PROCR: variants seen among roughly 807,000 people sequenced by gnomAD.
PROCR encodes the protein endothelial protein C receptor.
In PROCR, 22 loss-of-function variants were observed where a neutral mutation model predicts 24.2. That is an observed-to-expected ratio of 0.91 (90% confidence interval 0.65 to 1.30). The LOEUF (loss-of-function observed/expected upper bound fraction) is 1.30. Among genes scored for constraint, PROCR ranks in the 50% most tolerant of loss-of-function variants. The pLI, the probability that PROCR is intolerant of heterozygous loss-of-function variation, is 0.00. For synonymous variants in PROCR, 137 were observed against 139.2 expected (o/e 0.98, Z 0.11); for missense variants, 288 against 307.7 (o/e 0.94, Z 0.48).
upstream of PROCR, among the ~76,000 whole-genome samples, chr20:35,171,805 C>T (rs1037260954): frequency 3.2e-4 from 48 of 152,200 alleles, no homozygotes; most frequent in Admixed American, 2.9e-3. Context: ...GAGTCAGCGC[C>T]GGCAGGACTT....
chr20:35,174,638 T>A (rs2085987472), intron 1 of PROCR, 64 bp from the exon 2 acceptor site: 1 of 1,606,020 alleles, frequency 6.2e-7, no homozygotes. Context: ...TAGGGGGTTA[T>A]TATCTTCCGC....
chr20:35,172,358 A>C, intron 1 of PROCR, 134 bp downstream of exon 1: 4 of 1,150,086 alleles, frequency 3.5e-6, no homozygotes, highest in Admixed American at 1.9e-5. Flanking sequence ...TCTACAGGGC[A>C]GGCAGAGTCT....
chr20:35,193,365 G>A (rs1486233296), intron 1 of PROCR, among the ~76,000 whole-genome samples: 2 of 152,050 alleles, frequency 1.3e-5, no homozygotes, highest in Non-Finnish European at 2.9e-5. Context: ...TAGTAGAGAC[G>A]GGGTTTCACT....
chr20:35,201,442 C>A (rs1282608975), intron 1 of PROCR, among the ~76,000 whole-genome samples: 1 of 152,188 alleles, frequency 6.6e-6, no homozygotes, highest in African/African-American at 2.4e-5. Context: ...AATCCCAGCA[C>A]TTTGGGAGGC....
At chr20:35,190,722 A>G (rs900284318) in intron 1 of PROCR, among the ~76,000 whole-genome samples, 2 of 152,188 alleles carry the variant, frequency 1.3e-5, no homozygotes, top group Admixed American at 6.6e-5. Flanking sequence ...CAGCAATTCA[A>G]TAATGGAACT....
At chr20:35,188,541 G>A (rs1209816406) in intron 1 of PROCR, among the ~76,000 whole-genome samples, 2 of 152,152 alleles carry the variant, frequency 1.3e-5, no homozygotes, top group Admixed American at 1.3e-4. Flanking sequence ...CTGGCACAAG[G>A]AAAGAGTCCA....
intron 1 of PROCR, among the ~76,000 whole-genome samples, chr20:35,196,653 TA>T (rs1417989762): frequency 1.3e-5 from 2 of 152,018 alleles, no homozygotes; most frequent in Non-Finnish European, 2.9e-5. Flanking sequence ...AAAAGTGAAA[TA>T]AAAACATTCT....
chr20:35,209,871 C>G (rs140466168), intron 1 of PROCR, among the ~76,000 whole-genome samples: 1 of 152,296 alleles, frequency 6.6e-6, no homozygotes, highest in Non-Finnish European at 1.5e-5. Flanking sequence ...CCACCATAGC[C>G]TATGGTCTTG....
chr20:35,177,465 T>C (rs2086032544), downstream of PROCR: 1 of 835,136 alleles, frequency 1.2e-6, no homozygotes, highest in Middle Eastern at 6.2e-4. Flanking sequence ...TTTTTTTTTT[T>C]TGAGACAGAG....
At chr20:35,206,731 T>G (rs2060344478) in intron 1 of PROCR, among the ~76,000 whole-genome samples, 1 of 152,076 alleles carries the variant, frequency 6.6e-6, no homozygotes, top group Non-Finnish European at 1.5e-5. Flanking sequence ...GCGGAACAAC[T>G]GCCACTCTCA....
At chr20:35,193,208 G>A (rs575422893) in intron 1 of PROCR, among the ~76,000 whole-genome samples, 4 of 148,824 alleles carry the variant, frequency 2.7e-5, no homozygotes, top group East Asian at 2.0e-4. Flanking sequence ...ATGGAGTCTC[G>A]CTCTGTCACC....
chr20:35,210,614 A>G (rs1353988295), intron 1 of PROCR, among the ~76,000 whole-genome samples: 1 of 152,128 alleles, frequency 6.6e-6, no homozygotes, highest in Non-Finnish European at 1.5e-5. Context: ...TGAATCTTGT[A>G]TTTTTAACTG....
In PROCR at chr20:35,205,752, A is replaced by AATATATAT. The variant is rs200029202; in HGVS notation, c.95-10112_95-10105dup. On this transcript the variant is annotated intron_variant, in intron 1 of 1. Coordinates refer to the PROCR transcript ENST00000634509. ...GGCAACAAGGACAAAACTCTGTCTA[A>AATATATAT]ATATATATATATATATATATATATA... Among the ~76,000 whole-genome samples the AATATATAT allele has an allele frequency of 8.6e-3, 878 of 102,422 alleles. 19 individuals carry two copies. The highest frequency in any genetic ancestry group is 0.022 in the African/African-American group (451 of 20,372). The allele number at this position is 102,422 out of a possible 152,430, so 67.2% of individuals were successfully genotyped here. A position where few individuals can be genotyped will look rare whatever the true frequency, so the allele number is the denominator to read the frequency against.
chr20:35,176,388 C>T lies in PROCR; in HGVS notation c.543C>T (p.Phe181=), dbSNP rs150955196. The change falls in exon 3 of 4, where the codon TTC becomes TTT. Residue 181 remains phenylalanine (F), a synonymous_variant. Transcript: ENST00000216968. ...YNRTRYELRE[F]LEDTCVQYVQ... The stretch of plus-strand genomic sequence containing the variant: ...GCACTCGGTATGAACTGCGGGAATT[C>T]CTGGAGGACACCTGTGTGCAGTATG... The T allele has an allele frequency of 3.0e-4, 488 of 1,614,196 alleles. No individual in the cohort carries two copies. The highest frequency in any genetic ancestry group is 1.2e-3 in the Middle Eastern group (7 of 6,056).
chr20:35,195,485 A>C (rs1338006281), intron 1 of PROCR: 1 of 152,186 alleles, frequency 6.6e-6, no homozygotes, highest in Non-Finnish European at 1.5e-5. Flanking sequence ...AAATTTTGTA[A>C]TAAAAAAATT....
chr20:35,200,495 A>G (rs2060314480), intron 1 of PROCR, among the ~76,000 whole-genome samples: 1 of 152,240 alleles, frequency 6.6e-6, no homozygotes, highest in Admixed American at 6.5e-5. Flanking sequence ...ATGATTGTTC[A>G]GATTTTTAAG....
intron 1 of PROCR, among the ~76,000 whole-genome samples, chr20:35,185,509 G>T (rs1315020274): frequency 6.6e-6 from 1 of 152,096 alleles, no homozygotes; most frequent in African/African-American, 2.4e-5. Flanking sequence ...TCAATGAATG[G>T]ATAAAGAAAC....
chr20:35,187,324 A>C (rs1005528797), intron 1 of PROCR, among the ~76,000 whole-genome samples: 11 of 152,174 alleles, frequency 7.2e-5, no homozygotes, highest in Non-Finnish European at 1.6e-4. Flanking sequence ...GGCCTGCCAA[A>C]GTGCTGGGAT....
At chr20:35,204,403 T>C in intron 1 of PROCR, among the ~76,000 whole-genome samples, 1 of 128,538 alleles carries the variant, frequency 7.8e-6, no homozygotes, top group African/African-American at 2.9e-5. Flanking sequence ...CTTCCTTCTC[T>C]CTTTTCTTTC....
Sources: allele counts gnomAD v4.1 joint callset (sites outside exome capture counted in the v4.1 genomes callset), GRCh38; gene constraint gnomAD v4.1.1; transcripts MANE v1.5; gene names NCBI Gene and HGNC (gene_info 2026-07-23, HGNC 2026-07-21).